The following SLC24A4 variants were observed in gnomAD, a reference collection of about 807,000 sequenced individuals.
SLC24A4 encodes sodium/potassium/calcium exchanger 4.
A neutral mutation model predicts 79.0 loss-of-function variants in SLC24A4; 53 were observed. That is an observed-to-expected ratio of 0.67 (90% CI 0.54 to 0.84). SLC24A4 has a LOEUF of 0.84. SLC24A4 is among the 40% of genes least tolerant of loss of function. SLC24A4 has a pLI of 0.00. For synonymous variants in SLC24A4, 323 were observed against 323.8 expected (o/e 1.00, Z 0.03); for missense variants, 731 against 822.0 (o/e 0.89, Z 1.35).
rs1887942867 is a variant in SLC24A4, at chr14:92,367,861, G to T, written c.241+41883G>T. 1.3e-5 allele frequency among the ~76,000 whole-genome samples: 2 copies of T among 152,272 alleles called. 1 individual carries two copies. Among genetic ancestry groups the T allele is most frequent in the East Asian group, 3.8e-4 (2 of 5,204 alleles). The stretch of plus-strand genomic sequence containing the variant: ...CAGAGAAAGGGAGAAGCCAGTATTT[G>T]CTGCCTGTGAGTTGCAGAGTGGAGA... On this transcript the variant is annotated intron_variant, in intron 2 of 16. Transcript: ENST00000532405.
chr14:92,454,135 GCTC>G, intron 11 of SLC24A4, 66 bp downstream of exon 11: 1 of 1,514,886 alleles, frequency 6.6e-7, no homozygotes, highest in South Asian at 1.2e-5. Context: ...GCTTGTTAGG[GCTC>G]TTCCTGGTGC....
chr14:92,460,610 A>T (rs1264318739), intron 12 of SLC24A4, among the ~76,000 whole-genome samples: 2 of 152,184 alleles, frequency 1.3e-5, no homozygotes, highest in Non-Finnish European at 2.9e-5. Context: ...CTCAGTCAGT[A>T]AACAGTTAGG....
chr14:92,453,853 GT>G (rs770380899), intron 10 of SLC24A4, 46 bp from the exon 11 acceptor site: 1 of 1,530,740 alleles, frequency 6.5e-7, no homozygotes, highest in Non-Finnish European at 8.8e-7. Flanking sequence ...GCACTTGGGT[GT>G]TGTCCTCAGA....
At chr14:92,451,701 T>G (rs1014828068) in intron 10 of SLC24A4, 1 of 152,202 alleles carries the variant, frequency 6.6e-6, no homozygotes, top group Non-Finnish European at 1.5e-5. Flanking sequence ...ATAAAAGGCG[T>G]TTGAGTACTG....
chr14:92,396,712 A>G (rs59141467), intron 2 of SLC24A4, among the ~76,000 whole-genome samples: 4,330 of 152,180 alleles, frequency 0.028, 201 homozygotes, highest in East Asian at 0.19. Flanking sequence ...AGCGTGCCCA[A>G]TTTTATACTC....
chr14:92,478,168 T>G (rs554717637), intron 12 of SLC24A4, among the ~76,000 whole-genome samples: 4 of 152,362 alleles, frequency 2.6e-5, no homozygotes, highest in South Asian at 4.1e-4. Flanking sequence ...TGATAAAACA[T>G]AATTTACTTA....
At chr14:92,358,121 C>A (rs1887679276) in intron 2 of SLC24A4, among the ~76,000 whole-genome samples, 1 of 152,176 alleles carries the variant, frequency 6.6e-6, no homozygotes, top group Non-Finnish European at 1.5e-5. Context: ...CTCCAAAATT[C>A]TTTTCTTCCT....
chr14:92,372,641 C>G (rs1888234094), intron 2 of SLC24A4, among the ~76,000 whole-genome samples: 1 of 152,144 alleles, frequency 6.6e-6, no homozygotes, highest in Admixed American at 6.5e-5. Context: ...TCCATGTTTT[C>G]TAGCAAAATG....
intron 2 of SLC24A4, among the ~76,000 whole-genome samples, chr14:92,393,507 A>G (rs542004383): frequency 1.3e-5 from 2 of 149,878 alleles, no homozygotes; most frequent in East Asian, 3.9e-4. Context: ...ATCCAAGGAA[A>G]TGGCCATGGT....
chr14:92,343,234 G>C lies in SLC24A4; in HGVS notation c.241+17256G>C, dbSNP rs144350490. 1.8e-3 allele frequency among the ~76,000 whole-genome samples: 273 copies of C among 152,328 alleles called. 1 individual carries two copies. Among genetic ancestry groups the C allele is most frequent in the African/African-American group, 6.2e-3 (256 of 41,584 alleles). On this transcript the variant is annotated intron_variant, in intron 2 of 16. Transcript: ENST00000532405. ...CCCATTGTTTGCTTGATAGGGTTTTGCTGCAGATCCTCTGTTCATTCGCCT... is the reference window on the plus strand; with the variant it reads ...CCCATTGTTTGCTTGATAGGGTTTTCCTGCAGATCCTCTGTTCATTCGCCT...
chr14:92,474,667 GTATA>G (rs71123346), intron 12 of SLC24A4, among the ~76,000 whole-genome samples: 5 of 99,450 alleles, frequency 5.0e-5, no homozygotes, highest in South Asian at 2.9e-4. Flanking sequence ...GTGTGTGTGT[GTATA>G]TATATATATA....
chr14:92,445,373 C>T, intron 8 of SLC24A4, 31 bp downstream of exon 8: 2 of 1,610,688 alleles, frequency 1.2e-6, no homozygotes, highest in Non-Finnish European at 1.7e-6. Context: ...TTTCATTGTT[C>T]TTTTTTGTTG....
At chr14:92,472,284 A>G (rs1894479721) in intron 12 of SLC24A4, among the ~76,000 whole-genome samples, 1 of 152,126 alleles carries the variant, frequency 6.6e-6, no homozygotes, top group South Asian at 2.1e-4. Context: ...TTGGGGGAAC[A>G]GGTGGTATTT....
chr14:92,344,813 T>C (rs533049595), intron 2 of SLC24A4, among the ~76,000 whole-genome samples: 2 of 152,270 alleles, frequency 1.3e-5, no homozygotes, highest in East Asian at 1.9e-4. Flanking sequence ...CTTTGTTCTG[T>C]TGGGCCCTCC....
chr14:92,408,202 T>TGTGTGTGTGTGTGTG (rs33968349), intron 2 of SLC24A4, among the ~76,000 whole-genome samples: 34 of 151,514 alleles, frequency 2.2e-4, no homozygotes, highest in Middle Eastern at 3.4e-3. Flanking sequence ...TGTGTGTGTG[T>TGTGTGTGTGTGTGTG]TTCACATCCA....
At chr14:92,403,504 A>G (rs1475657900) in intron 2 of SLC24A4, among the ~76,000 whole-genome samples, 1 of 151,636 alleles carries the variant, frequency 6.6e-6, no homozygotes, top group African/African-American at 2.4e-5. Flanking sequence ...GCTACTCAGG[A>G]GGCTGAGGCA....
chr14:92,434,398 T>C (rs12433292), intron 3 of SLC24A4, among the ~76,000 whole-genome samples: 101,099 of 152,076 alleles, frequency 0.66, 34,107 homozygotes, highest in East Asian at 0.88. Context: ...TACATCACTA[T>C]GTAGATGGTC....
At chr14:92,404,156 G>A (rs546043137) in intron 2 of SLC24A4, among the ~76,000 whole-genome samples, 4 of 152,210 alleles carry the variant, frequency 2.6e-5, no homozygotes, top group African/African-American at 7.2e-5. Context: ...CTCTGACTCC[G>A]CATCTACCCT....
At chr14:92,465,131 T>C (rs189565733) in intron 12 of SLC24A4, among the ~76,000 whole-genome samples, 1 of 152,334 alleles carries the variant, frequency 6.6e-6, no homozygotes, top group African/African-American at 2.4e-5. Context: ...GATTTAATGC[T>C]CCCCAGGGCC....
Sources: allele counts gnomAD v4.1 joint callset (sites outside exome capture counted in the v4.1 genomes callset), GRCh38; gene constraint gnomAD v4.1.1; transcripts MANE v1.5; gene names NCBI Gene and HGNC (gene_info 2026-07-23, HGNC 2026-07-21).